The following WDFY3 variants were observed in gnomAD, a reference collection of about 807,000 sequenced individuals.
WDFY3 encodes the protein WD repeat and FYVE domain containing 3.
In WDFY3, 66 loss-of-function variants were observed where a neutral mutation model predicts 409.6. That is an observed-to-expected ratio of 0.16 (90% CI 0.13 to 0.20). The LOEUF is 0.20. WDFY3 is among the 10% of genes least tolerant of loss of function. The pLI, the probability that WDFY3 is intolerant of heterozygous loss-of-function variation, is 1.00. For missense variants in WDFY3, 3,031 were observed against 4,298.1 expected, an observed-to-expected ratio of 0.71 and a Z score of 8.24; for synonymous variants, 1,521 against 1,537.1, an observed-to-expected ratio of 0.99 and a Z score of 0.25.
intron 2 of WDFY3, among the ~76,000 whole-genome samples, chr4:84,906,250 A>C (rs1432195946): frequency 6.6e-6 from 1 of 152,200 alleles, no homozygotes; most frequent in African/African-American, 2.4e-5. Context: ...TTCTCTCATG[A>C]AGTATACAAA....
At chr4:84,703,708 C>A (rs1731456146) in intron 55 of WDFY3, among the ~76,000 whole-genome samples, 1 of 152,142 alleles carries the variant, frequency 6.6e-6, no homozygotes, top group Admixed American at 6.5e-5. Context: ...CACAGGAGAC[C>A]TACTCTGACC....
At chr4:84,870,964 T>A (rs1047373686) in intron 3 of WDFY3, among the ~76,000 whole-genome samples, 1 of 151,350 alleles carries the variant, frequency 6.6e-6, no homozygotes. Flanking sequence ...CAGCAGTAGA[T>A]GGATACTGCT....
chr4:84,776,334 A>C (rs1053995927), intron 27 of WDFY3, among the ~76,000 whole-genome samples: 1 of 152,050 alleles, frequency 6.6e-6, no homozygotes, highest in Non-Finnish European at 1.5e-5. Context: ...GTATTCTAAA[A>C]ATTTGGTAAA....
At chr4:84,917,070 A>C (rs372311569) in intron 2 of WDFY3, among the ~76,000 whole-genome samples, 2 of 152,308 alleles carry the variant, frequency 1.3e-5, no homozygotes, top group South Asian at 4.1e-4. Context: ...AGATGAATAG[A>C]TATCTTTTTC....
chr4:84,751,407 A>T (rs1740494063), intron 36 of WDFY3, 76 bp downstream of exon 36: 1 of 1,443,064 alleles, frequency 6.9e-7, no homozygotes, highest in African/African-American at 1.4e-5. Flanking sequence ...TCCTTGTTAT[A>T]GAACTTGTTT....
chr4:84,831,454 G>C lies in WDFY3; in HGVS notation c.728C>G (p.Ser243Cys). The C allele has an allele frequency of 1.2e-6, 2 of 1,613,792 alleles. No homozygotes were observed. The highest frequency in any genetic ancestry group is 8.5e-7 in the Non-Finnish European group (1 of 1,179,816). ...KSAGEVLMTI[S>C]RHGLSVNVVK... ...TACATTGACACTAAGACCATGACGA[G>C]ATATGGTCATGAGGACTTCTCCAGC... The change falls in exon 8 of 68, where the codon TCT becomes TGT. Residue 243 changes from serine to cysteine, a missense_variant. Physicochemically the swap from Ser to Cys is moderately radical, Grantham distance 112. Coordinates refer to ENST00000295888, the MANE Select transcript of WDFY3 (RefSeq NM_014991.6).
chr4:84,810,794 T>C (rs1215607498), intron 13 of WDFY3, among the ~76,000 whole-genome samples: 1 of 152,222 alleles, frequency 6.6e-6, no homozygotes, highest in Admixed American at 6.5e-5. Context: ...TTGTCTCACA[T>C]AAAGTGACCA....
chr4:84,742,881 A>G (rs1443709322), intron 37 of WDFY3, among the ~76,000 whole-genome samples: 1 of 152,176 alleles, frequency 6.6e-6, no homozygotes, highest in East Asian at 1.9e-4. Context: ...TGGAGGTGCC[A>G]CAGAATTTGA....
intron 2 of WDFY3, among the ~76,000 whole-genome samples, chr4:84,905,628 T>A (rs897646523): frequency 6.6e-6 from 1 of 152,226 alleles, no homozygotes; most frequent in Non-Finnish European, 1.5e-5. Context: ...GACAAAGTGC[T>A]TTGGGGGCTA....
chr4:84,688,604 G>C (rs1728722866), intron 61 of WDFY3, among the ~76,000 whole-genome samples: 13 of 152,162 alleles, frequency 8.5e-5, no homozygotes, highest in Admixed American at 8.5e-4. Flanking sequence ...TTTATGTAGA[G>C]ATGTATTGAT....
At chr4:84,774,783 G>T in intron 29 of WDFY3, 37 bp downstream of exon 29, 1 of 1,563,570 alleles carries the variant, frequency 6.4e-7, no homozygotes, top group Non-Finnish European at 8.6e-7. Flanking sequence ...GGTACTTTTA[G>T]TTAATAAAAA....
chr4:84,729,717 ACAAAT>A (rs1736270151), intron 44 of WDFY3, among the ~76,000 whole-genome samples: 2 of 152,092 alleles, frequency 1.3e-5, no homozygotes, highest in Admixed American at 6.5e-5. Context: ...TTTATTTCTA[ACAAAT>A]CAAAGACTTT....
chr4:84,810,270 A>G lies in WDFY3; in HGVS notation c.1962T>C (p.Ile654=). ...TTTCCATAGCAACGAGCAAGGATGT[A>G]ATGTACACAAATCCTCCAACTTTCC... ...VFRKVGGFVY[I]TSLLVAMERS... Residue 654 remains isoleucine (I), a synonymous_variant, in exon 14 of 68, where the codon ATT becomes ATC. Coordinates refer to ENST00000295888, the MANE Select transcript of WDFY3 (RefSeq NM_014991.6). The G allele has an allele frequency of 6.2e-7, 1 of 1,614,012 alleles. No homozygotes were observed. Among genetic ancestry groups the G allele is most frequent in the Non-Finnish European group, 8.5e-7 (1 of 1,179,966 alleles).
chr4:84,960,719 C>T (rs1248561613), intron 1 of WDFY3, among the ~76,000 whole-genome samples: 3 of 152,074 alleles, frequency 2.0e-5, no homozygotes, highest in Non-Finnish European at 4.4e-5. Flanking sequence ...CTCAAGCAAT[C>T]CACCCACCTT....
intron 13 of WDFY3, among the ~76,000 whole-genome samples, chr4:84,810,894 T>A (rs1396879230): frequency 1.3e-5 from 2 of 150,580 alleles, no homozygotes; most frequent in Non-Finnish European, 2.9e-5. Context: ...GTTGAAAGTA[T>A]GGCTTTTCCC....
At chr4:84,730,805 G>C (rs1294883995) in intron 44 of WDFY3, among the ~76,000 whole-genome samples, 3 of 151,360 alleles carry the variant, frequency 2.0e-5, no homozygotes, top group Non-Finnish European at 2.9e-5. Flanking sequence ...CTCTCTCTCT[G>C]TATTTTTTTT....
chr4:84,914,494 T>C (rs1768212490), intron 2 of WDFY3, among the ~76,000 whole-genome samples: 2 of 152,152 alleles, frequency 1.3e-5, no homozygotes, highest in Non-Finnish European at 2.9e-5. Flanking sequence ...TCAAAAGTTA[T>C]ACATAAATTT....
chr4:84,857,290 C>A (rs1340161466), intron 4 of WDFY3, among the ~76,000 whole-genome samples: 2 of 152,202 alleles, frequency 1.3e-5, no homozygotes, highest in East Asian at 3.9e-4. Context: ...ACTAAAGCAT[C>A]TCATATCTAC....
chr4:84,897,184 C>A (rs917714087), intron 2 of WDFY3, among the ~76,000 whole-genome samples, 174 bp from the exon 3 acceptor site: 1 of 152,140 alleles, frequency 6.6e-6, no homozygotes, highest in Non-Finnish European at 1.5e-5. Context: ...GGAAGCCACA[C>A]TCTGTTCAAA....
Sources: gnomAD v4.1 joint callset for allele counts (sites outside exome capture counted in the v4.1 genomes callset) on GRCh38, gnomAD v4.1.1 for gene constraint, MANE v1.5 for transcripts, NCBI Gene and HGNC (gene_info 2026-07-23, HGNC 2026-07-21) for gene names.